The following GABBR2 variants were observed in gnomAD, a reference collection of about 807,000 sequenced individuals.
The protein encoded by GABBR2 is gamma-aminobutyric acid type B receptor subunit 2.
In GABBR2, 23 loss-of-function variants were observed where a neutral mutation model predicts 105.6. The observed-to-expected ratio is 0.22, with a 90% CI of 0.16 to 0.31. GABBR2 has a LOEUF of 0.31. Ranked by LOEUF, GABBR2 falls within the 10% of genes least tolerant of loss-of-function variation. GABBR2 has a pLI of 1.00. For missense variants in GABBR2, 734 were observed against 1,245.5 expected (o/e 0.59, Z 6.18); for synonymous variants, 478 against 499.7 (o/e 0.96, Z 0.58).
At chr9:98,376,541 GCGCCC>G (rs1831876514) in intron 11 of GABBR2, among the ~76,000 whole-genome samples, 1 of 151,610 alleles carries the variant, frequency 6.6e-6, no homozygotes, top group African/African-American at 2.4e-5. Context: ...AACTCCCAGA[GCGCCC>G]CAAAGCAAGC....
At chr9:98,617,952 A>G (rs1829612203) in intron 1 of GABBR2, among the ~76,000 whole-genome samples, 1 of 152,192 alleles carries the variant, frequency 6.6e-6, no homozygotes, top group South Asian at 2.1e-4. Flanking sequence ...TTCCTCATCT[A>G]TTAAAATGGG....
intron 13 of GABBR2, among the ~76,000 whole-genome samples, chr9:98,349,000 T>C (rs1488296121): frequency 6.6e-6 from 1 of 152,226 alleles, no homozygotes; most frequent in African/African-American, 2.4e-5. Flanking sequence ...CCTTGTCTTG[T>C]TTCAGTTCTT....
At chr9:98,566,801 A>G (rs1271455496) in intron 2 of GABBR2, among the ~76,000 whole-genome samples, 1 of 37,428 alleles carries the variant, frequency 2.7e-5, no homozygotes, top group Non-Finnish European at 7.7e-5. Context: ...ACACTGTCAA[A>G]AAAAAAAAAA....
intron 4 of GABBR2, among the ~76,000 whole-genome samples, chr9:98,483,227 A>C (rs948182518): frequency 2.6e-5 from 4 of 152,190 alleles, no homozygotes; most frequent in African/African-American, 9.6e-5. Context: ...TCCAAGCCAT[A>C]ACTGGAATCT....
intron 3 of GABBR2, among the ~76,000 whole-genome samples, chr9:98,508,840 G>A (rs974618290): frequency 6.6e-6 from 1 of 152,060 alleles, no homozygotes; most frequent in Non-Finnish European, 1.5e-5. Flanking sequence ...CCACCTCTGG[G>A]GGCAGGGCAC....
intron 1 of GABBR2, among the ~76,000 whole-genome samples, chr9:98,688,897 C>T (rs994152113): frequency 4.6e-5 from 7 of 152,074 alleles, no homozygotes; most frequent in Non-Finnish European, 8.8e-5. Context: ...GAGTGCAAAG[C>T]GTGATGGAGA....
At chr9:98,590,915 G>C (rs1032159946) in intron 1 of GABBR2, among the ~76,000 whole-genome samples, 1 of 152,168 alleles carries the variant, frequency 6.6e-6, no homozygotes, top group Non-Finnish European at 1.5e-5. Context: ...TGGAGTTAGA[G>C]AATATTCATT....
rs1476548300 is a variant in GABBR2, at chr9:98,682,238, A to C, written c.321+26179T>G. Among the ~76,000 whole-genome samples, 3 of 151,802 alleles carry C rather than the reference A, an allele frequency of 2.0e-5. No individual in the cohort carries two copies. In the East Asian group the frequency reaches 5.8e-4, roughly 29 times the overall value. ...GATAAGACTTCATCTCAGAAAAAAA[A>C]AACAAAACAAAAAAAAACCCAAAAC... On this transcript the variant is annotated intron_variant, in intron 1 of 18. Transcript: ENST00000259455.
At chr9:98,414,465 G>A (rs774994129) in intron 7 of GABBR2, among the ~76,000 whole-genome samples, 60 of 152,212 alleles carry the variant, frequency 3.9e-4, no homozygotes, top group Admixed American at 5.9e-4. Context: ...GCAAGGCCAC[G>A]CAGAACCTTA....
At position 98,496,435 on chromosome 9, in the gene GABBR2, C is replaced by T; in HGVS notation, c.710G>A (p.Cys237Tyr). 2 of 1,611,006 alleles carry T rather than the reference C, an allele frequency of 1.2e-6. No homozygotes were observed. The highest frequency in any genetic ancestry group is 1.7e-6 in the Non-Finnish European group (2 of 1,177,462). The change falls in exon 4 of 19, where the codon TGT (cysteine) becomes TAT (tyrosine). Residue 237 changes from cysteine (C) to tyrosine (Y), a missense_variant. Cys to Tyr is a radical substitution (Grantham distance 194). Transcript: ENST00000259455. ...SDTESFSNDPCTSVKKLKGND... is the reference protein window; with the variant it reads ...SDTESFSNDPYTSVKKLKGND... Reference sequence around the variant, plus strand: ...TACCTTCAGCTTTTTGACACTGGTACAGGGATCGTTGGAGAAGCTCTCGGT... The same window carrying T: ...TACCTTCAGCTTTTTGACACTGGTATAGGGATCGTTGGAGAAGCTCTCGGT...
At chr9:98,508,891 T>C (rs1827574917) in intron 3 of GABBR2, among the ~76,000 whole-genome samples, 1 of 152,150 alleles carries the variant, frequency 6.6e-6, no homozygotes, top group Non-Finnish European at 1.5e-5. Flanking sequence ...CAGACTTAAA[T>C]GTCCCTGTCT....
chr9:98,552,238 T>C (rs772130969), intron 2 of GABBR2: 1 of 152,236 alleles, frequency 6.6e-6, no homozygotes, highest in Non-Finnish European at 1.5e-5. Context: ...CCACAGTTGC[T>C]AAGTCCTAGG....
intron 11 of GABBR2, among the ~76,000 whole-genome samples, chr9:98,383,595 C>T (rs1278794595): frequency 2.6e-5 from 4 of 152,198 alleles, no homozygotes; most frequent in African/African-American, 9.7e-5. Flanking sequence ...ACTACCCCCT[C>T]AGTTACTGGG....
chr9:98,483,235 T>A (rs1216105997), intron 4 of GABBR2, among the ~76,000 whole-genome samples: 1 of 152,190 alleles, frequency 6.6e-6, no homozygotes, highest in Non-Finnish European at 1.5e-5. Flanking sequence ...ATAACTGGAA[T>A]CTGTTGGTTC....
intron 3 of GABBR2, among the ~76,000 whole-genome samples, chr9:98,541,179 A>G (rs1213665154): frequency 6.6e-6 from 1 of 152,220 alleles, no homozygotes; most frequent in Non-Finnish European, 1.5e-5. Flanking sequence ...GATCTGTTGT[A>G]AAGTGAAAAA....
At chr9:98,664,590 C>A (rs954443187) in intron 1 of GABBR2, among the ~76,000 whole-genome samples, 2 of 152,222 alleles carry the variant, frequency 1.3e-5, no homozygotes, top group Admixed American at 6.5e-5. Flanking sequence ...TTAATCCTCC[C>A]ACTCTCAGTA....
intron 1 of GABBR2, among the ~76,000 whole-genome samples, chr9:98,591,416 A>G (rs573725101): frequency 2.6e-5 from 4 of 152,310 alleles, no homozygotes; most frequent in Non-Finnish European, 5.9e-5. Flanking sequence ...TCTTTCCTTC[A>G]GGCAGTAAGA....
intron 8 of GABBR2, among the ~76,000 whole-genome samples, chr9:98,401,144 A>C (rs2131520693): frequency 6.6e-6 from 1 of 152,272 alleles, no homozygotes; most frequent in East Asian, 1.9e-4. Flanking sequence ...TCACAGCCTC[A>C]CATCATCAGG....
Position 98,454,274 on chromosome 9 carries a change from G to T in GABBR2, c.1000-57C>A. On this transcript the variant is annotated intron_variant, in intron 6 of 18. Transcript: ENST00000259455. This position sits in a 1 kb window ranked among gnomAD's most constrained non-coding sequence, Gnocchi z 4.6. Reference sequence around the variant, plus strand: ...GTTATACTCGGCAGGGACATCAGGTGCCTGATGCCGAGAAGAGCTGCTATT... The same window carrying T: ...GTTATACTCGGCAGGGACATCAGGTTCCTGATGCCGAGAAGAGCTGCTATT... The T allele has an allele frequency of 8.5e-7, 1 of 1,174,844 alleles. No homozygotes were observed. 72.8% of individuals were successfully genotyped at this position (1,174,844 alleles called of 1,614,324 possible).
Sources: allele counts gnomAD v4.1 joint callset (sites outside exome capture counted in the v4.1 genomes callset), GRCh38; gene constraint gnomAD v4.1.1; non-coding constraint Gnocchi (gnomAD v3.1); transcripts MANE v1.5; gene names NCBI Gene and HGNC (gene_info 2026-07-23, HGNC 2026-07-21).